Variants in NTRK2 observed in about 807,000 individuals in gnomAD.
NTRK2 encodes BDNF/NT-3 growth factors receptor.
NTRK2 carries 13 observed loss-of-function variants against 94.5 expected under a neutral mutation model. The ratio of observed to expected loss-of-function variants is 0.14; its 90% CI spans 0.09 to 0.22. The LOEUF is 0.22. NTRK2 is among the 10% of genes least tolerant of loss of function. NTRK2 has a pLI of 1.00. For synonymous variants in NTRK2, 372 were observed against 407.4 expected, an observed-to-expected ratio of 0.91 and a Z score of 1.05; for missense variants, 639 against 1,071.2, an observed-to-expected ratio of 0.60 and a Z score of 5.63.
rs144485921 is a variant in NTRK2 at position 84,693,721 on chromosome 9, C to T, written c.213-8438C>T. 5.2e-4 allele frequency among the ~76,000 whole-genome samples: 79 copies of T among 152,214 alleles called. No homozygotes were observed. In the East Asian group the frequency reaches 0.01, roughly 20 times the overall value. Reference sequence around the variant, plus strand: ...AACAACCCTAGGAGGCAGTTACTGTCGTTACTGCATTTTGCAGACAAGGAA... The same window carrying T: ...AACAACCCTAGGAGGCAGTTACTGTTGTTACTGCATTTTGCAGACAAGGAA... On this transcript the variant is annotated intron_variant, in intron 2 of 18. Transcript: ENST00000277120.
At chr9:84,743,783 A>C (rs1373657015) in intron 10 of NTRK2, among the ~76,000 whole-genome samples, 4 of 152,232 alleles carry the variant, frequency 2.6e-5, no homozygotes, top group African/African-American at 9.7e-5. Context: ...TGGCTATAAC[A>C]TGAAGAGGGA....
At chr9:84,888,785 A>T (rs980512315) in intron 14 of NTRK2, among the ~76,000 whole-genome samples, 2 of 151,600 alleles carry the variant, frequency 1.3e-5, no homozygotes, top group Admixed American at 1.3e-4. Flanking sequence ...CAGTGCTTAG[A>T]GTACTCAACA....
At chr9:84,731,281 A>G (rs2062873431) in intron 9 of NTRK2, among the ~76,000 whole-genome samples, 1 of 152,076 alleles carries the variant, frequency 6.6e-6, no homozygotes, top group African/African-American at 2.4e-5. Context: ...CAAAAAAAAT[A>G]CAAGAATTAG....
chr9:84,721,223 T>A (rs2062040731), intron 6 of NTRK2, among the ~76,000 whole-genome samples: 1 of 151,676 alleles, frequency 6.6e-6, no homozygotes, highest in Non-Finnish European at 1.5e-5. Context: ...TTGCCCAGGC[T>A]GAAGTGCAAT....
At chr9:84,797,803 A>ATATATAT (rs1429103512) in intron 12 of NTRK2, among the ~76,000 whole-genome samples, 1 of 66,598 alleles carries the variant, frequency 1.5e-5, no homozygotes, top group African/African-American at 6.0e-5. Flanking sequence ...CTATAATAAT[A>ATATATAT]TATATATTAT....
rs1349303529 is a variant in NTRK2, at chr9:84,870,331, G to GTGTGTGTGTGTGTGTATATA, written c.1633+2901_1633+2902insGTGTGTGTGTGTGTATATAT. Reference sequence around the variant, plus strand: ...ATACATATATGTGGGGTGTGTGTGTGTATATATATATATATATATATATAT... The same window carrying GTGTGTGTGTGTGTGTATATA: ...ATACATATATGTGGGGTGTGTGTGTGTGTGTGTGTGTGTGTATATATATATATATATATATATATATATAT... On this transcript the variant is annotated intron_variant, in intron 14 of 18. Coordinates refer to ENST00000277120, the MANE Select transcript of NTRK2 (RefSeq NM_006180.6). Among the ~76,000 whole-genome samples the GTGTGTGTGTGTGTGTATATA allele has an allele frequency of 1.3e-4, 4 of 31,180 alleles. No individual in the cohort carries two copies. The South Asian group carries it at 9.1e-3, about 71-fold the overall frequency. The allele number at this position is 31,180 out of a possible 152,430, so 20.5% of individuals were successfully genotyped here.
chr9:84,844,379 C>T (rs1489536466), intron 12 of NTRK2, among the ~76,000 whole-genome samples: 1 of 152,150 alleles, frequency 6.6e-6, no homozygotes, highest in African/African-American at 2.4e-5. Flanking sequence ...TTACAGACTC[C>T]TCCCACATTC....
chr9:84,783,037 T>G (rs1417958507), intron 12 of NTRK2, among the ~76,000 whole-genome samples: 3 of 151,436 alleles, frequency 2.0e-5, no homozygotes, highest in African/African-American at 7.2e-5. Flanking sequence ...ATTCCAGAAC[T>G]TGTTTCTTTG....
At chr9:84,699,222 G>A (rs997981151) in intron 2 of NTRK2, among the ~76,000 whole-genome samples, 1 of 151,906 alleles carries the variant, frequency 6.6e-6, no homozygotes, top group African/African-American at 2.4e-5. Context: ...ATTTTTAGTT[G>A]AGACGGGGTT....
intron 15 of NTRK2, among the ~76,000 whole-genome samples, chr9:84,947,489 ATG>A (rs3842221): frequency 0.051 from 7,827 of 152,262 alleles, 281 homozygotes; most frequent in Admixed American, 0.12. Context: ...AGGCAGAGGA[ATG>A]TGCACATGTG....
intron 2 of NTRK2, among the ~76,000 whole-genome samples, chr9:84,685,971 T>G (rs1183323588): frequency 6.6e-6 from 1 of 152,252 alleles, no homozygotes; most frequent in Non-Finnish European, 1.5e-5. Flanking sequence ...CACAATATCC[T>G]AGTTCTCTGT....
chr9:84,814,940 T>C, intron 12 of NTRK2: 1 of 1,059,778 alleles, frequency 9.4e-7, no homozygotes, highest in Non-Finnish European at 1.1e-6. Context: ...ATGCCTGTAG[T>C]ACCTGCAAAC....
In NTRK2 at chr9:85,021,534, C is replaced by G. The variant is rs1832779839; in HGVS notation, c.*97C>G. ...TGCCGCTGGAGGCCACCAAGCTGCT[C>G]TCCTTCACTCTGACAGTATTAACAT... On this transcript the variant is annotated 3_prime_UTR_variant, in exon 19 of 19. Transcript: ENST00000277120. 1.7e-6 allele frequency: 2 copies of G among 1,169,338 alleles called. No individual in the cohort carries two copies. Among genetic ancestry groups the G allele is most frequent in the Non-Finnish European group, 2.6e-6 (2 of 778,526 alleles). 72.4% of individuals were successfully genotyped at this position (1,169,338 alleles called of 1,614,324 possible).
intron 17 of NTRK2, among the ~76,000 whole-genome samples, chr9:84,976,319 C>G (rs1322596094): frequency 6.6e-6 from 1 of 152,130 alleles, no homozygotes; most frequent in Non-Finnish European, 1.5e-5. Context: ...GTCTCTTCCT[C>G]TTTTATAAGG....
chr9:84,884,136 C>T (rs1269128207), intron 14 of NTRK2, among the ~76,000 whole-genome samples: 1 of 152,136 alleles, frequency 6.6e-6, no homozygotes, highest in African/African-American at 2.4e-5. Context: ...AATTGCATTT[C>T]ACTACATAAT....
intron 6 of NTRK2, among the ~76,000 whole-genome samples, chr9:84,713,496 A>G (rs2061534835): frequency 6.6e-6 from 1 of 151,984 alleles, no homozygotes; most frequent in South Asian, 2.1e-4. Context: ...TGAAGATGTC[A>G]TATTTCTTTG....
At chr9:84,668,794 G>A (rs2058517310), upstream of NTRK2, 1 of 152,230 alleles carries the variant, frequency 6.6e-6, no homozygotes, top group Admixed American at 6.5e-5. Context: ...AGGTACGGCA[G>A]GGGAGCAAGG....
At chr9:84,835,946 G>A (rs183173953) in intron 12 of NTRK2, among the ~76,000 whole-genome samples, 25 of 152,118 alleles carry the variant, frequency 1.6e-4, no homozygotes, top group African/African-American at 5.8e-4. Context: ...GGAGGCCCTC[G>A]TGGTTGAAGA....
chr9:84,852,098 A>G (rs367927779), intron 12 of NTRK2, among the ~76,000 whole-genome samples: 7 of 152,182 alleles, frequency 4.6e-5, no homozygotes, highest in Non-Finnish European at 7.3e-5. Context: ...GACGTGAGTC[A>G]TTGTTTAGGT....
Sources: gnomAD v4.1 joint callset for allele counts (sites outside exome capture counted in the v4.1 genomes callset) on GRCh38, gnomAD v4.1.1 for gene constraint, MANE v1.5 for transcripts, NCBI Gene and HGNC (gene_info 2026-07-23, HGNC 2026-07-21) for gene names.